Variants in ARID4B observed in about 807,000 individuals in gnomAD.
ARID4B encodes the protein AT-rich interactive domain-containing protein 4B.
Under a neutral mutation model 147.5 loss-of-function variants are expected in ARID4B, and 26 were observed. That is an observed-to-expected ratio of 0.18 (90% CI 0.13 to 0.24). ARID4B has a LOEUF of 0.24. ARID4B is among the 10% of genes least tolerant of loss of function. ARID4B has a pLI of 1.00. For missense variants in ARID4B, 1,179 were observed against 1,511.5 expected (o/e 0.78, Z 3.65); for synonymous variants, 512 against 507.9 (o/e 1.01, Z -0.11).
intron 2 of ARID4B, among the ~76,000 whole-genome samples, chr1:235,294,580 G>C (rs1399682787): frequency 1.0e-5 from 1 of 99,156 alleles, no homozygotes; most frequent in Non-Finnish European, 2.1e-5. Context: ...CAATTCTCCC[G>C]CTTGAACCCA....
At chr1:235,277,027 GGCAATAT>G (rs2103164449) in intron 2 of ARID4B, among the ~76,000 whole-genome samples, 1 of 151,138 alleles carries the variant, frequency 6.6e-6, no homozygotes, top group Admixed American at 6.6e-5. Flanking sequence ...GATATGTTCT[GGCAATAT>G]GCTTTTGCCA....
At chr1:235,257,752 A>G (rs1670074142) in intron 3 of ARID4B, among the ~76,000 whole-genome samples, 1 of 152,134 alleles carries the variant, frequency 6.6e-6, no homozygotes, top group Admixed American at 6.5e-5. Context: ...GAGTGCTGGG[A>G]TTACAGGTGT....
At chr1:235,272,144 A>C (rs1671033467) in intron 2 of ARID4B, among the ~76,000 whole-genome samples, 1 of 152,208 alleles carries the variant, frequency 6.6e-6, no homozygotes, top group African/African-American at 2.4e-5. Context: ...TTAAACACTA[A>C]GTCACAAAAT....
intron 2 of ARID4B, among the ~76,000 whole-genome samples, chr1:235,308,648 T>C (rs1435062732): frequency 6.6e-6 from 1 of 152,172 alleles, no homozygotes; most frequent in African/African-American, 2.4e-5. Context: ...CTGGTTTTTG[T>C]ATTTTTTTGG....
chr1:235,246,460 T>C lies in ARID4B; in HGVS notation c.406A>G (p.Ile136Val). The C allele has an allele frequency of 6.2e-7, 1 of 1,613,786 alleles. No individual in the cohort carries two copies. Among genetic ancestry groups the C allele is most frequent in the Non-Finnish European group, 8.5e-7 (1 of 1,179,690 alleles). Residue 136 changes from isoleucine to valine, a missense_variant, in exon 7 of 24, where the codon ATA becomes GTA. By Grantham distance (29) the Ile-to-Val change is conservative. This residue lies in a region of ARID4B where 19 missense variants were observed against 46.7 expected (regional missense o/e 0.41). Transcript: ENST00000264183. Reference sequence around the variant, plus strand: ...CTTCCTCTATTTGTTTTCTTTCCTATGACTGGAGTGCCAAAATGCTCAGGG... The same window carrying C: ...CTTCCTCTATTTGTTTTCTTTCCTACGACTGGAGTGCCAAAATGCTCAGGG... ...TNPEHFGTPVIGKKTNRGRRS... is the reference protein window; with the variant it reads ...TNPEHFGTPVVGKKTNRGRRS...
intron 10 of ARID4B, among the ~76,000 whole-genome samples, chr1:235,230,329 G>A (rs890457750): frequency 2.0e-5 from 3 of 151,718 alleles, no homozygotes; most frequent in Non-Finnish European, 2.9e-5. Context: ...CAGGACAATC[G>A]CTTGAACCCG....
At position 235,182,572 on chromosome 1, in the gene ARID4B, T is replaced by G. The variant is rs746377415; in HGVS notation, c.2347A>C (p.Arg783=). ...TCGGATAATACTTCTATATCTTTCC[T>G]TAATCTTTCTGGAGATTTTGACACT... is the stretch of plus-strand genomic sequence containing the variant. The part of the protein sequence containing the change: ...KPVSKSPERL[R]KDIEVLSEDT... The change falls in exon 20 of 24, where the codon AGG becomes CGG. Residue 783 remains arginine, a synonymous_variant. Transcript: ENST00000264183. 1 of 1,612,258 alleles carries G rather than the reference T, an allele frequency of 6.2e-7. No homozygotes were observed. Among genetic ancestry groups the G allele is most frequent in the African/African-American group, 1.3e-5 (1 of 74,756 alleles).
chr1:235,263,829 A>G (rs1471912260), intron 2 of ARID4B, among the ~76,000 whole-genome samples: 1 of 151,766 alleles, frequency 6.6e-6, no homozygotes, highest in Non-Finnish European at 1.5e-5. Flanking sequence ...CTACTAAAAA[A>G]AAAAAATACA....
chr1:235,299,564 C>A (rs913405933), intron 2 of ARID4B, among the ~76,000 whole-genome samples: 5 of 152,202 alleles, frequency 3.3e-5, no homozygotes, highest in African/African-American at 1.2e-4. Context: ...TCAGCCTAGT[C>A]AAAAATTAAC....
chr1:235,260,747 A>G lies in ARID4B; in HGVS notation c.12T>C (p.Leu4=), dbSNP rs1670241110. The G allele has an allele frequency of 1.3e-6, 2 of 1,599,616 alleles. No individual in the cohort carries two copies. Among genetic ancestry groups the G allele is most frequent in the Non-Finnish European group, 1.7e-6 (2 of 1,172,676 alleles). The change falls in exon 3 of 24, where the codon CTT becomes CTC. Residue 4 remains leucine (L), a synonymous_variant. Coordinates refer to ENST00000264183, the MANE Select transcript of ARID4B (RefSeq NM_016374.6). MKA[L]DEPPYLTVGT... ...CCACTGTCAAATAGGGAGGCTCATC[A>G]AGGGCCTAAAAATGCAAAGAAATAT...
rs1441921290 is a variant in ARID4B at position 235,326,971 on chromosome 1, G to A, written c.-49-3C>T. 1.2e-6 allele frequency: 2 copies of A among 1,603,840 alleles called. No individual in the cohort carries two copies. The highest frequency in any genetic ancestry group is 1.7e-5 in the Admixed American group (1 of 59,926). ...TAAAACACCAGGTTCAGCTGCACCT[G>A]GAGGGGAAACAAAAGACACCCAGTC... On this transcript the variant is annotated splice_region_variant and splice_polypyrimidine_tract_variant and intron_variant, in intron 1 of 23. Transcript: ENST00000264183.
At position 235,291,665 on chromosome 1, in the gene ARID4B, G is replaced by A. The variant is rs532318694; in HGVS notation, c.7-30913C>T. Among the ~76,000 whole-genome samples, 13 of 135,946 alleles carry A rather than the reference G, an allele frequency of 9.6e-5. No homozygotes were observed. In the East Asian group the frequency reaches 2.0e-3, roughly 20 times the overall value. The allele number at this position is 135,946 out of a possible 152,430, so 89.2% of individuals were successfully genotyped here. On this transcript the variant is annotated intron_variant, in intron 2 of 23. Transcript: ENST00000264183. ...GGCCTGGCCAACGTGGCCAAACCCCGTCTCTACTAAAAAATACAAAAAATA... is the reference window on the plus strand; with the variant it reads ...GGCCTGGCCAACGTGGCCAAACCCCATCTCTACTAAAAAATACAAAAAATA...
chr1:235,257,059 G>T, intron 4 of ARID4B, 101 bp downstream of exon 4: 2 of 812,300 alleles, frequency 2.5e-6, no homozygotes, highest in South Asian at 1.6e-5. Context: ...ATTACATATT[G>T]AATTTATCAA....
At chr1:235,241,633 C>T (rs911740211) in intron 7 of ARID4B, among the ~76,000 whole-genome samples, 5 of 152,284 alleles carry the variant, frequency 3.3e-5, no homozygotes, top group African/African-American at 1.2e-4. Flanking sequence ...ATTCTCCTGC[C>T]TCAGCCTCCT....
rs190934587 is a variant in ARID4B at position 235,216,728 on chromosome 1, T to A, written c.1584-2702A>T. Among the ~76,000 whole-genome samples the A allele has an allele frequency of 3.7e-3, 565 of 152,160 alleles. 1 individual carries two copies. The highest frequency in any genetic ancestry group is 5.9e-3 in the Non-Finnish European group (398 of 67,990). ...TATTAAGGCTAAAATATCAAAAAAA[T>A]TAACAGAAATGGGATTATCAATGAT... On this transcript the variant is annotated intron_variant, in intron 16 of 23. Transcript: ENST00000264183.
rs772523900 is a variant in ARID4B, at chr1:235,182,587, A to C, written c.2332T>G (p.Ser778Ala). The C allele has an allele frequency of 8.1e-6, 13 of 1,612,466 alleles. No individual in the cohort carries two copies. Among genetic ancestry groups the C allele is most frequent in the Non-Finnish European group, 9.3e-6 (11 of 1,179,696 alleles). The change falls in exon 20 of 24, where the codon TCT (serine) becomes GCT (alanine). Residue 778 changes from serine (S) to alanine (A), a missense_variant. Around this residue, in one of 10 missense-constraint regions of ARID4B, gnomAD observed 321 missense variants for 342.4 expected, o/e 0.94. Coordinates refer to ENST00000264183, the MANE Select transcript of ARID4B (RefSeq NM_016374.6). Reference protein sequence around the residue: ...DLVISKPVSKSPERLRKDIEV... With the variant: ...DLVISKPVSKAPERLRKDIEV... ...ATATCTTTCCTTAATCTTTCTGGAG[A>C]TTTTGACACTGGTTTGGATATTACC...
intron 19 of ARID4B, among the ~76,000 whole-genome samples, chr1:235,185,098 T>C (rs980456388): frequency 6.6e-6 from 1 of 152,222 alleles, no homozygotes; most frequent in South Asian, 2.1e-4. Context: ...ATTATAGGCA[T>C]GAGCCAACGT....
intron 8 of ARID4B, among the ~76,000 whole-genome samples, chr1:235,236,833 A>AAAAAAAAT (rs1175189621): frequency 6.0e-5 from 2 of 33,522 alleles, no homozygotes; most frequent in Non-Finnish European, 9.3e-5. Flanking sequence ...TTTTATAAAA[A>AAAAAAAAT]ATATATATAT....
In ARID4B at chr1:235,255,382, AT is replaced by A. The variant is rs35471810; in HGVS notation, c.274+277del. On this transcript the variant is annotated intron_variant, in intron 5 of 23. Transcript: ENST00000264183. Reference sequence around the variant, plus strand: ...AACTATAAACTTAAAAATAGGTAAGATTGGGGAAAAAAAGAAATTTACCTAA... The same window carrying A: ...AACTATAAACTTAAAAATAGGTAAGATGGGGAAAAAAAGAAATTTACCTAA... Among the ~76,000 whole-genome samples the A allele has an allele frequency of 1.2e-4, 16 of 138,370 alleles. No individual in the cohort carries two copies. The South Asian group carries it at 3.1e-3, about 27-fold the overall frequency. The allele number at this position is 138,370 out of a possible 152,430, so 90.8% of individuals were successfully genotyped here.
Sources: allele counts gnomAD v4.1 joint callset (sites outside exome capture counted in the v4.1 genomes callset), GRCh38; gene constraint gnomAD v4.1.1; regional missense constraint gnomAD v4.1.1; transcripts MANE v1.5; gene names NCBI Gene and HGNC (gene_info 2026-07-23, HGNC 2026-07-21).